The following TTC7B variants were observed in gnomAD, a reference collection of about 807,000 sequenced individuals.
TTC7B encodes the protein tetratricopeptide repeat protein 7B.
Under a neutral mutation model 106.8 loss-of-function variants are expected in TTC7B, and 28 were observed. The ratio of observed to expected loss-of-function variants is 0.26; its 90% confidence interval spans 0.19 to 0.36. The LOEUF (loss-of-function observed/expected upper bound fraction) is 0.36, where lower values mean the gene tolerates loss of function less well. Ranked by LOEUF, TTC7B falls within the 10% of genes least tolerant of loss-of-function variation. The pLI is 1.00. For synonymous variants in TTC7B, 405 were observed against 430.6 expected (o/e 0.94, Z 0.74); for missense variants, 862 against 1,076.4 (o/e 0.80, Z 2.79).
Position 90,578,072 on chromosome 14 carries a change from A to C in TTC7B, c.2310+34T>G. On this transcript the variant is annotated intron_variant, in intron 19 of 19. Coordinates refer to ENST00000328459, the MANE Select transcript of TTC7B (RefSeq NM_001010854.2). The surrounding 1 kb of genome is among the most constrained non-coding windows in gnomAD (Gnocchi z 4.7). The stretch of plus-strand genomic sequence containing the variant: ...CGCTTCCAAGGGCTGTCCCCATGCC[A>C]GAGTAGGGGCCACCGCCGGGCTCGT... The C allele has an allele frequency of 6.3e-7, 1 of 1,577,298 alleles. No homozygotes were observed. The highest frequency in any genetic ancestry group is 8.6e-7 in the Non-Finnish European group (1 of 1,161,106).
At position 90,593,477 on chromosome 14, in the gene TTC7B, G is replaced by A. The variant is rs200494092; in HGVS notation, c.2107+9C>T. ...CACAGCAGCGGGTTGTGGGTGAGGC[G>A]GAGGGTACCTGCATGGAGCCAGATC... On this transcript the variant is annotated intron_variant, in intron 18 of 19. Coordinates refer to ENST00000328459, the MANE Select transcript of TTC7B (RefSeq NM_001010854.2). 230 of 1,580,466 alleles carry A rather than the reference G, an allele frequency of 1.5e-4. No individual in the cohort carries two copies. The East Asian group carries it at 4.0e-3, about 28-fold the overall frequency.
intron 18 of TTC7B, among the ~76,000 whole-genome samples, chr14:90,579,326 C>T (rs763184917): frequency 2.0e-5 from 3 of 152,250 alleles, no homozygotes; most frequent in Non-Finnish European, 4.4e-5. Flanking sequence ...CCCCTTCTCC[C>T]ACCTGCAGGC....
At position 90,676,580 on chromosome 14, in the gene TTC7B, G is replaced by C. The variant is rs1336087235; in HGVS notation, c.1095C>G (p.Val365=). ...RLISLQSASV[V]YDLLTIALGR... is the part of the protein sequence containing the mutation. The stretch of plus-strand genomic sequence containing the variant: ...CAAGAGCAATGGTGAGTAAGTCATA[G>C]ACCACAGATGCACTCTGCAGACTGA... The change falls in exon 9 of 20, where the codon GTC becomes GTG. Residue 365 remains valine (V), a synonymous_variant. Transcript: ENST00000328459. 1 of 1,614,028 alleles carries C rather than the reference G, an allele frequency of 6.2e-7. No individual in the cohort carries two copies.
intron 11 of TTC7B, among the ~76,000 whole-genome samples, chr14:90,656,026 C>T (rs1885933401): frequency 6.6e-6 from 1 of 152,194 alleles, no homozygotes; most frequent in African/African-American, 2.4e-5. Flanking sequence ...CCTGGAACCG[C>T]CTGCACCATC....
At chr14:90,770,478 G>A (rs375799860) in intron 3 of TTC7B, among the ~76,000 whole-genome samples, 2 of 152,086 alleles carry the variant, frequency 1.3e-5, no homozygotes, top group African/African-American at 4.8e-5. Flanking sequence ...CCAACATGGA[G>A]AAACCCCGTC....
At chr14:90,709,681 T>A (rs1888362183) in intron 5 of TTC7B, among the ~76,000 whole-genome samples, 1 of 151,584 alleles carries the variant, frequency 6.6e-6, no homozygotes, top group Non-Finnish European at 1.5e-5. Flanking sequence ...AAACATAAAG[T>A]ATAATAATAA....
At chr14:90,550,375 G>A (rs145691539) in intron 19 of TTC7B, among the ~76,000 whole-genome samples, 295 of 152,296 alleles carry the variant, frequency 1.9e-3, no homozygotes, top group African/African-American at 6.8e-3. Flanking sequence ...TGTAATTTGC[G>A]TATTTGCTTA....
intron 14 of TTC7B, among the ~76,000 whole-genome samples, chr14:90,645,815 A>G (rs942747): frequency 0.017 from 2,565 of 152,304 alleles, 64 homozygotes; most frequent in African/African-American, 0.058. Context: ...TGCTGAACAC[A>G]TGTCAGGTGG....
chr14:90,765,241 T>C (rs1294959544), intron 3 of TTC7B, among the ~76,000 whole-genome samples: 1 of 152,178 alleles, frequency 6.6e-6, no homozygotes, highest in East Asian at 1.9e-4. Context: ...ATACAAAATT[T>C]CTAGACTAGG....
chr14:90,647,677 A>G (rs1885524865), intron 13 of TTC7B, among the ~76,000 whole-genome samples: 1 of 152,240 alleles, frequency 6.6e-6, no homozygotes, highest in South Asian at 2.1e-4. Context: ...GACGTCAGAC[A>G]GGAAGGGACC....
chr14:90,613,800 A>C (rs1032949441), intron 16 of TTC7B, among the ~76,000 whole-genome samples: 9 of 152,288 alleles, frequency 5.9e-5, no homozygotes, highest in African/African-American at 1.9e-4. Context: ...GTAGAGCGAA[A>C]GGAAACTGGA....
At chr14:90,606,204 GT>G (rs1276038593) in intron 17 of TTC7B, among the ~76,000 whole-genome samples, 23 of 152,168 alleles carry the variant, frequency 1.5e-4, no homozygotes, top group African/African-American at 5.3e-4. Context: ...GAGTACTGAG[GT>G]GCAACACTAT....
intron 9 of TTC7B, among the ~76,000 whole-genome samples, chr14:90,670,807 G>A (rs1161222124): frequency 6.6e-6 from 1 of 152,150 alleles, no homozygotes; most frequent in Non-Finnish European, 1.5e-5. Context: ...GACCAGAGCT[G>A]GGAACTGTCC....
chr14:90,733,780 C>T (rs1889415595), intron 4 of TTC7B, among the ~76,000 whole-genome samples: 1 of 152,206 alleles, frequency 6.6e-6, no homozygotes, highest in Admixed American at 6.5e-5. Flanking sequence ...ACCCACCATT[C>T]GCGGACTTAG....
chr14:90,745,011 C>A, intron 3 of TTC7B, 89 bp from the exon 4 acceptor site: 1 of 1,284,490 alleles, frequency 7.8e-7, no homozygotes, highest in Non-Finnish European at 1.1e-6. Context: ...CAGAAGATGG[C>A]TGTAGAATAT....
intron 19 of TTC7B, chr14:90,567,525 C>G (rs1331350770): frequency 6.6e-6 from 1 of 152,168 alleles, no homozygotes; most frequent in Non-Finnish European, 1.5e-5. Context: ...AGAGTGGAGA[C>G]AAAGTTCTCT....
chr14:90,642,934 A>G (rs1464119251), intron 15 of TTC7B, among the ~76,000 whole-genome samples: 4 of 152,076 alleles, frequency 2.6e-5, no homozygotes, highest in Non-Finnish European at 5.9e-5. Context: ...CAAGCTATAA[A>G]GCCCTGTTTC....
chr14:90,690,331 C>T (rs970248823), intron 6 of TTC7B, among the ~76,000 whole-genome samples: 1 of 152,174 alleles, frequency 6.6e-6, no homozygotes, highest in Non-Finnish European at 1.5e-5. Flanking sequence ...AAATGGTTCC[C>T]GATCAAGAAA....
chr14:90,751,307 C>T (rs76595364), intron 3 of TTC7B, among the ~76,000 whole-genome samples: 6,296 of 152,222 alleles, frequency 0.041, 174 homozygotes, highest in Non-Finnish European at 0.057. Context: ...TGAATTGCCA[C>T]GCAACCCAAA....
Sources: gnomAD v4.1 joint callset for allele counts (sites outside exome capture counted in the v4.1 genomes callset) on GRCh38, gnomAD v4.1.1 for gene constraint, Gnocchi (gnomAD v3.1) non-coding constraint, MANE v1.5 for transcripts, NCBI Gene and HGNC (gene_info 2026-07-23, HGNC 2026-07-21) for gene names.